The following CNTNAP2 variants were observed in gnomAD, a reference collection of about 807,000 sequenced individuals.
The protein encoded by CNTNAP2 is contactin-associated protein-like 2.
Under a neutral mutation model 155.2 loss-of-function variants are expected in CNTNAP2, and 98 were observed. That is an observed-to-expected ratio of 0.63 (90% confidence interval 0.54 to 0.75). The LOEUF is 0.75. Ranked by LOEUF, CNTNAP2 falls within the 30% of genes least tolerant of loss-of-function variation. The probability of loss-of-function intolerance (pLI) is 0.00; values close to 1 mark genes in which losing one functional copy is unlikely to be tolerated. For missense variants in CNTNAP2, 1,727 were observed against 1,688.1 expected (o/e 1.02, Z -0.40); for synonymous variants, 651 against 631.2 (o/e 1.03, Z -0.47).
chr7:147,915,948 CAGG>C (rs1800152870), intron 14 of CNTNAP2, among the ~76,000 whole-genome samples: 1 of 152,172 alleles, frequency 6.6e-6, no homozygotes, highest in South Asian at 2.1e-4. Context: ...TGCCTCTTAA[CAGG>C]AGATTCCTAG....
chr7:147,970,706 A>G (rs1801317131), intron 14 of CNTNAP2, among the ~76,000 whole-genome samples: 1 of 152,240 alleles, frequency 6.6e-6, no homozygotes, highest in Non-Finnish European at 1.5e-5. Context: ...TGGCATTTTC[A>G]GAATATTACA....
chr7:147,837,092 GC>G (rs1798645196), intron 13 of CNTNAP2, among the ~76,000 whole-genome samples: 1 of 152,128 alleles, frequency 6.6e-6, no homozygotes, highest in Non-Finnish European at 1.5e-5. Flanking sequence ...TAATCAATAA[GC>G]ATGTTGGGTA....
chr7:146,144,111 A>G (rs1173740700), intron 1 of CNTNAP2, among the ~76,000 whole-genome samples: 1 of 152,032 alleles, frequency 6.6e-6, no homozygotes, highest in African/African-American at 2.4e-5. Context: ...CACTTTCCCC[A>G]CACACAAGCT....
intron 3 of CNTNAP2, among the ~76,000 whole-genome samples, chr7:147,028,804 T>TA (rs1028664030): frequency 6.6e-5 from 10 of 151,982 alleles, no homozygotes; most frequent in African/African-American, 2.2e-4. Flanking sequence ...CTGTTGAACT[T>TA]ACATTTGAAG....
chr7:147,682,789 C>T (rs1207862772), intron 13 of CNTNAP2, among the ~76,000 whole-genome samples: 1 of 151,912 alleles, frequency 6.6e-6, no homozygotes, highest in East Asian at 1.9e-4. Flanking sequence ...ACATTATACA[C>T]ATAGAGATGC....
intron 11 of CNTNAP2, among the ~76,000 whole-genome samples, chr7:147,490,416 A>T (rs995083189): frequency 6.6e-6 from 1 of 152,178 alleles, no homozygotes; most frequent in Non-Finnish European, 1.5e-5. Flanking sequence ...GTAAACTGTA[A>T]ATTGTGTTGC....
chr7:147,272,112 C>A lies in CNTNAP2; in HGVS notation c.1349-28029C>A, dbSNP rs372700818. Among the ~76,000 whole-genome samples, 7 of 152,016 alleles carry A rather than the reference C, an allele frequency of 4.6e-5. No homozygotes were observed. The South Asian group carries it at 1.5e-3, about 32-fold the overall frequency. ...CTCACCATGTTGGCCAGGCTGCTCT[C>A]GAACTCCTGACTTCAGGTAATCTGC... On this transcript the variant is annotated intron_variant, in intron 8 of 23. Coordinates refer to ENST00000361727, the MANE Select transcript of CNTNAP2 (RefSeq NM_014141.6).
chr7:147,602,646 C>G (rs1388615505), intron 12 of CNTNAP2, among the ~76,000 whole-genome samples: 5 of 151,450 alleles, frequency 3.3e-5, no homozygotes, highest in African/African-American at 9.7e-5. Context: ...CCACTCCCCC[C>G]ACCCCACAAC....
At position 148,026,001 on chromosome 7, in the gene CNTNAP2, T is replaced by C. The variant is rs149975460; in HGVS notation, c.2383+48012T>C. ...AAATTGTCACACTGTATTGTTTGCT[T>C]CAGTCCAGGATAGCAGGACTTTTTG... On this transcript the variant is annotated intron_variant, in intron 15 of 23. Transcript: ENST00000361727. Among the ~76,000 whole-genome samples the C allele has an allele frequency of 2.8e-3, 431 of 152,358 alleles. 4 individuals are homozygous for C. The highest frequency in any genetic ancestry group is 9.7e-3 in the African/African-American group (405 of 41,592).
At chr7:148,005,051 G>A (rs529943892) in intron 15 of CNTNAP2, among the ~76,000 whole-genome samples, 3 of 152,164 alleles carry the variant, frequency 2.0e-5, no homozygotes, top group Non-Finnish European at 4.4e-5. Flanking sequence ...CAGGTCACTT[G>A]CTGTCTTTGT....
intron 13 of CNTNAP2, among the ~76,000 whole-genome samples, chr7:147,856,629 CTTT>C (rs3055148): frequency 0.047 from 6,876 of 145,280 alleles, 491 homozygotes; most frequent in African/African-American, 0.16. Context: ...ATTAGTTTGG[CTTT>C]TTTTTTTTTT....
At chr7:146,963,506 T>G (rs1797595362) in intron 3 of CNTNAP2, among the ~76,000 whole-genome samples, 1 of 152,214 alleles carries the variant, frequency 6.6e-6, no homozygotes, top group Non-Finnish European at 1.5e-5. Flanking sequence ...TTACTCATTT[T>G]TAATATATCT....
chr7:146,428,037 C>T (rs1303435580), intron 1 of CNTNAP2, among the ~76,000 whole-genome samples: 1 of 152,154 alleles, frequency 6.6e-6, no homozygotes, highest in African/African-American at 2.4e-5. Flanking sequence ...ATAATGGCCC[C>T]CAGCTCCATC....
intron 4 of CNTNAP2, among the ~76,000 whole-genome samples, chr7:147,102,363 G>A (rs1800675261): frequency 1.3e-5 from 2 of 150,782 alleles, no homozygotes; most frequent in African/African-American, 4.9e-5. Flanking sequence ...AAAAGTAGTG[G>A]GGCCCAGAGA....
At chr7:147,500,152 T>A (rs552669026) in intron 11 of CNTNAP2, among the ~76,000 whole-genome samples, 361 of 135,736 alleles carry the variant, frequency 2.7e-3, no homozygotes, top group African/African-American at 9.4e-3. Context: ...AAACAGTTTA[T>A]GGATAAAATT....
At chr7:147,864,101 T>G (rs922665446) in intron 13 of CNTNAP2, among the ~76,000 whole-genome samples, 9 of 152,042 alleles carry the variant, frequency 5.9e-5, no homozygotes, top group Non-Finnish European at 1.3e-4. Flanking sequence ...AATTAATTTT[T>G]GTATATGATG....
chr7:148,310,776 C>A (rs994018812), intron 21 of CNTNAP2, among the ~76,000 whole-genome samples: 1 of 152,090 alleles, frequency 6.6e-6, no homozygotes, highest in East Asian at 1.9e-4. Flanking sequence ...AAAGGGGTGT[C>A]TTGTACCCAG....
intron 18 of CNTNAP2, among the ~76,000 whole-genome samples, chr7:148,197,766 A>G (rs1334245043): frequency 2.6e-5 from 4 of 152,206 alleles, no homozygotes; most frequent in Non-Finnish European, 5.9e-5. Context: ...TCGTGTTGCT[A>G]AAGCCAGCTG....
At chr7:147,556,680 T>C (rs904454521) in intron 11 of CNTNAP2, among the ~76,000 whole-genome samples, 2 of 152,076 alleles carry the variant, frequency 1.3e-5, no homozygotes, top group Non-Finnish European at 2.9e-5. Context: ...AGTATATAGA[T>C]TTCCCCCCTA....
Sources: allele counts gnomAD v4.1 joint callset (sites outside exome capture counted in the v4.1 genomes callset), GRCh38; gene constraint gnomAD v4.1.1; transcripts MANE v1.5; gene names NCBI Gene and HGNC (gene_info 2026-07-23, HGNC 2026-07-21).